The following WWOX variants were observed in gnomAD, a reference collection of about 807,000 sequenced individuals.
WWOX encodes the protein WW domain-containing oxidoreductase.
A neutral mutation model predicts 46.2 loss-of-function variants in WWOX; 69 were observed. The observed-to-expected ratio is 1.49, with a 90% CI of 1.23 to 1.82. The LOEUF (loss-of-function observed/expected upper bound fraction) is 1.82. Ranked by LOEUF, WWOX falls within the 40% of genes most tolerant of loss-of-function variation. The probability of loss-of-function intolerance (pLI) is 0.00; values close to 1 mark genes in which losing one functional copy is unlikely to be tolerated. For missense variants in WWOX, 919 were observed against 542.6 expected (o/e 1.69, Z -6.89); for synonymous variants, 359 against 202.6 (o/e 1.77, Z -6.56).
At chr16:78,100,747 G>T (rs79416778) in intron 1 of WWOX, among the ~76,000 whole-genome samples, 15,920 of 152,266 alleles carry the variant, frequency 0.1, 994 homozygotes, top group East Asian at 0.27. Context: ...ACATAGCACC[G>T]TGTCTAGTAG....
chr16:78,587,711 G>A (rs1478907842), intron 8 of WWOX, among the ~76,000 whole-genome samples: 2 of 152,086 alleles, frequency 1.3e-5, no homozygotes, highest in Admixed American at 1.3e-4. Context: ...GCTTGACTGT[G>A]GCCTTCACCT....
At chr16:78,752,066 T>C (rs923947233) in intron 8 of WWOX, among the ~76,000 whole-genome samples, 3 of 152,158 alleles carry the variant, frequency 2.0e-5, no homozygotes, top group Non-Finnish European at 4.4e-5. Flanking sequence ...TGAACATAAA[T>C]TCTAACATTG....
chr16:78,568,523 T>G (rs1034176789), intron 8 of WWOX, among the ~76,000 whole-genome samples: 1 of 149,972 alleles, frequency 6.7e-6, no homozygotes, highest in Non-Finnish European at 1.5e-5. Context: ...TCACCCAGGC[T>G]GGAGTGCAGT....
intron 8 of WWOX, among the ~76,000 whole-genome samples, chr16:78,590,647 G>A (rs946541569): frequency 2.0e-5 from 3 of 152,192 alleles, no homozygotes; most frequent in African/African-American, 7.2e-5. Flanking sequence ...TTGTAACTCA[G>A]TAAAACAGTT....
intron 8 of WWOX, among the ~76,000 whole-genome samples, chr16:78,439,316 C>G (rs1456622156): frequency 2.0e-5 from 3 of 152,324 alleles, no homozygotes; most frequent in East Asian, 3.9e-4. Context: ...ACTGGACTCT[C>G]AGGACCCCTC....
At chr16:78,419,868 G>A (rs537768031) in intron 6 of WWOX, among the ~76,000 whole-genome samples, 3 of 151,900 alleles carry the variant, frequency 2.0e-5, no homozygotes, top group Non-Finnish European at 4.4e-5. Flanking sequence ...CCTACAGAAT[G>A]GGGGAAATAC....
chr16:78,650,143 C>T (rs958071286), intron 8 of WWOX, among the ~76,000 whole-genome samples: 10 of 152,076 alleles, frequency 6.6e-5, no homozygotes, highest in South Asian at 2.1e-4. Flanking sequence ...GACAAATGAA[C>T]GCAGATTAAG....
intron 8 of WWOX, among the ~76,000 whole-genome samples, chr16:78,873,997 C>T (rs1016817589): frequency 1.3e-5 from 2 of 151,458 alleles, no homozygotes. Flanking sequence ...CACGGTGGCT[C>T]ATGCCTGTAA....
intron 6 of WWOX, among the ~76,000 whole-genome samples, chr16:78,423,000 C>G (rs1038009949): frequency 3.3e-5 from 5 of 151,598 alleles, no homozygotes; most frequent in Admixed American, 1.3e-4. Context: ...ATTCTCCTGC[C>G]TTAGCCTCCC....
At chr16:78,869,634 A>G (rs1221383299) in intron 8 of WWOX, among the ~76,000 whole-genome samples, 1 of 152,200 alleles carries the variant, frequency 6.6e-6, no homozygotes, top group Non-Finnish European at 1.5e-5. Flanking sequence ...ATGATGGGTT[A>G]CTGATTCTGC....
intron 8 of WWOX, among the ~76,000 whole-genome samples, chr16:78,827,159 C>T (rs1428256423): frequency 6.6e-6 from 1 of 152,200 alleles, no homozygotes; most frequent in South Asian, 2.1e-4. Flanking sequence ...GCTGTTCCCC[C>T]AACTGCAAAG....
At chr16:79,074,400 T>C (rs529832454) in intron 8 of WWOX, among the ~76,000 whole-genome samples, 2 of 142,198 alleles carry the variant, frequency 1.4e-5, no homozygotes, top group Admixed American at 1.4e-4. Flanking sequence ...GACTGAAATG[T>C]CACTAGTCCT....
Position 79,211,965 on chromosome 16 carries a change from G to GGAATT in WWOX, c.*170_*174dup. The GGAATT allele has an allele frequency of 6.5e-7, 1 of 1,535,222 alleles. No individual in the cohort carries two copies. The highest frequency in any genetic ancestry group is 1.2e-5 in the South Asian group (1 of 84,058). On this transcript the variant is annotated 3_prime_UTR_variant, in exon 9 of 9. Coordinates refer to ENST00000566780, the MANE Select transcript of WWOX (RefSeq NM_016373.4). ...AATCTTAAGTACCAATGGGAAGCAG[G>GGAATT]GAATTCCTGGGGTAAAGTATCACTT...
chr16:78,501,192 TC>T (rs1482669845), intron 8 of WWOX, among the ~76,000 whole-genome samples: 1 of 10,970 alleles, frequency 9.1e-5, no homozygotes, highest in Non-Finnish European at 3.0e-4. Flanking sequence ...TCTTTCTTTC[TC>T]TTTTTTTTTT....
chr16:78,697,717 G>A (rs750524541), intron 8 of WWOX, among the ~76,000 whole-genome samples: 4 of 152,128 alleles, frequency 2.6e-5, no homozygotes, highest in East Asian at 1.9e-4. Flanking sequence ...AGGTAGGCTC[G>A]GCTAAGCTAT....
intron 8 of WWOX, among the ~76,000 whole-genome samples, chr16:79,088,089 A>T (rs564517630): frequency 6.6e-6 from 1 of 152,234 alleles, no homozygotes; most frequent in South Asian, 2.1e-4. Flanking sequence ...GTGTGAGCTC[A>T]TCTGGTACTC....
chr16:78,158,466 C>T lies in WWOX; in HGVS notation c.410-5717C>T, dbSNP rs551618578. On this transcript the variant is annotated intron_variant, in intron 4 of 8. Transcript: ENST00000566780. ...TTAGACTGCCTCTTCTTTTTCCTCC[C>T]TCCCTCCCCTCCCCTCCTCTCCTTT... Among the ~76,000 whole-genome samples the T allele has an allele frequency of 5.9e-5, 9 of 151,842 alleles. No homozygotes were observed. In the South Asian group the frequency reaches 8.3e-4, roughly 14 times the overall value.
chr16:78,185,575 T>A (rs939736900), intron 5 of WWOX, among the ~76,000 whole-genome samples: 5 of 152,074 alleles, frequency 3.3e-5, no homozygotes, highest in Admixed American at 6.6e-5. Context: ...GTGCATCCTG[T>A]CACCATGAAG....
intron 8 of WWOX, among the ~76,000 whole-genome samples, chr16:78,539,794 C>T (rs765304844): frequency 6.6e-6 from 1 of 152,084 alleles, no homozygotes; most frequent in Non-Finnish European, 1.5e-5. Context: ...GCAATGATGC[C>T]CAGAGCATTT....
Sources: allele counts gnomAD v4.1 joint callset (sites outside exome capture counted in the v4.1 genomes callset), GRCh38; gene constraint gnomAD v4.1.1; transcripts MANE v1.5; gene names NCBI Gene and HGNC (gene_info 2026-07-23, HGNC 2026-07-21).